Variants in ARNT2 observed in about 807,000 individuals in gnomAD.
The protein encoded by ARNT2 is ARNT protein 2.
ARNT2 carries 36 observed loss-of-function variants against 91.7 expected under a neutral mutation model. The ratio of observed to expected loss-of-function variants is 0.39; its 90% CI spans 0.30 to 0.52. ARNT2 has a LOEUF of 0.52. ARNT2 is among the 20% of genes least tolerant of loss of function. ARNT2 has a pLI of 0.72. For synonymous variants in ARNT2, 365 were observed against 347.1 expected (o/e 1.05, Z -0.57); for missense variants, 775 against 939.3 (o/e 0.83, Z 2.29).
intron 8 of ARNT2, among the ~76,000 whole-genome samples, chr15:80,516,807 C>G (rs2141430355): frequency 1.3e-5 from 1 of 79,758 alleles, no homozygotes; most frequent in East Asian, 3.7e-4. Context: ...CATACATTTA[C>G]AATTATTATA....
intron 8 of ARNT2, among the ~76,000 whole-genome samples, chr15:80,528,423 A>C (rs895202310): frequency 1.2e-4 from 18 of 151,000 alleles, no homozygotes; most frequent in Admixed American, 3.3e-4. Context: ...TTTATCATCT[A>C]TCTATCCATC....
chr15:80,484,397 G>C (rs1043583750), intron 5 of ARNT2, among the ~76,000 whole-genome samples: 2 of 152,208 alleles, frequency 1.3e-5, no homozygotes, highest in African/African-American at 4.8e-5. Context: ...ATGCACGTGA[G>C]AATGAAATCT....
chr15:80,540,323 G>A lies in ARNT2; in HGVS notation c.878-10876G>A, dbSNP rs8031754. 8.9e-3 allele frequency among the ~76,000 whole-genome samples: 1,361 copies of A among 152,122 alleles called. 18 individuals are homozygous for A. Among genetic ancestry groups the A allele is most frequent in the African/African-American group, 0.031 (1,276 of 41,486 alleles). On this transcript the variant is annotated intron_variant, in intron 8 of 18. Transcript: ENST00000303329. The stretch of plus-strand genomic sequence containing the variant: ...CGTATCTTCACTAACACATGATTGC[G>A]TTTTTTTGTAAATTATGATAGCCAT...
chr15:80,492,119 C>T (rs145529808), intron 5 of ARNT2, among the ~76,000 whole-genome samples: 9 of 152,212 alleles, frequency 5.9e-5, no homozygotes, highest in Non-Finnish European at 5.9e-5. Context: ...CAGCTCACAG[C>T]GGCCTTGCCC....
chr15:80,591,769 C>G lies in ARNT2; in HGVS notation c.2055+65C>G. 1 of 1,598,596 alleles carries G rather than the reference C, an allele frequency of 6.3e-7. No homozygotes were observed. The highest frequency in any genetic ancestry group is 1.7e-5 in the Admixed American group (1 of 59,402). Reference sequence around the variant, plus strand: ...CCTTCTCTCTGCTTCCTTTCCCCCTCGGTCTCTGCCGCACCACCGCCTGCC... The same window carrying G: ...CCTTCTCTCTGCTTCCTTTCCCCCTGGGTCTCTGCCGCACCACCGCCTGCC... On this transcript the variant is annotated intron_variant, in intron 18 of 18. Coordinates refer to ENST00000303329, the MANE Select transcript of ARNT2 (RefSeq NM_014862.4). The surrounding 1 kb of genome is among the most constrained non-coding windows in gnomAD (Gnocchi z 5.1).
intron 8 of ARNT2, among the ~76,000 whole-genome samples, chr15:80,541,981 G>T (rs1335100814): frequency 6.6e-6 from 1 of 152,188 alleles, no homozygotes; most frequent in Non-Finnish European, 1.5e-5. Flanking sequence ...CGTCAGTGTT[G>T]GTGTCAGGGC....
At chr15:80,571,147 C>T (rs963003894) in intron 12 of ARNT2, among the ~76,000 whole-genome samples, 1 of 152,184 alleles carries the variant, frequency 6.6e-6, no homozygotes, top group Non-Finnish European at 1.5e-5. Context: ...CATTTCAGCT[C>T]CTTAGGGGTC....
chr15:80,527,188 A>G (rs1002061395), intron 8 of ARNT2, among the ~76,000 whole-genome samples: 2 of 152,180 alleles, frequency 1.3e-5, no homozygotes, highest in African/African-American at 4.8e-5. Context: ...CAGGCCAGCC[A>G]CTTTGCTAGG....
At chr15:80,529,549 T>C (rs1361858445) in intron 8 of ARNT2, among the ~76,000 whole-genome samples, 1 of 152,118 alleles carries the variant, frequency 6.6e-6, no homozygotes, top group Non-Finnish European at 1.5e-5. Context: ...GGTTGTTTTT[T>C]CCTTTTCCTT....
intron 5 of ARNT2, among the ~76,000 whole-genome samples, chr15:80,503,867 C>T (rs1046841759): frequency 6.6e-6 from 1 of 152,200 alleles, no homozygotes; most frequent in Admixed American, 6.5e-5. Context: ...GTGGTGATTG[C>T]TGGGTCTTTG....
At chr15:80,496,829 A>G (rs745613329) in intron 5 of ARNT2, among the ~76,000 whole-genome samples, 1 of 152,224 alleles carries the variant, frequency 6.6e-6, no homozygotes, top group Non-Finnish European at 1.5e-5. Context: ...GGAAAACAGG[A>G]AAAGAGAGAT....
At position 80,451,000 on chromosome 15, in the gene ARNT2, C is replaced by T. The variant is rs746833703; in HGVS notation, c.146+6C>T. 4.8e-5 allele frequency: 78 copies of T among 1,611,008 alleles called. No homozygotes were observed. Among genetic ancestry groups the T allele is most frequent in the Non-Finnish European group, 6.0e-5 (71 of 1,178,222 alleles). ...GGAGGAAAGCGGCGTTCCGGGTAAG[C>T]GACCTCAGCGTTTCCAGGAATTGGC... On this transcript the variant is annotated splice_donor_region_variant and intron_variant, in intron 2 of 18. Coordinates refer to ENST00000303329, the MANE Select transcript of ARNT2 (RefSeq NM_014862.4).
chr15:80,510,952 G>C (rs777071334), intron 6 of ARNT2, among the ~76,000 whole-genome samples: 4 of 152,214 alleles, frequency 2.6e-5, no homozygotes, highest in Non-Finnish European at 4.4e-5. Context: ...TTCAGCCATT[G>C]TGGAAGACAG....
chr15:80,486,526 A>T (rs1472208292), intron 5 of ARNT2, among the ~76,000 whole-genome samples: 1 of 152,098 alleles, frequency 6.6e-6, no homozygotes, highest in East Asian at 1.9e-4. Flanking sequence ...TCATTGTCAG[A>T]TCTCTTCTAC....
At chr15:80,586,735 G>A (rs1267138816) in intron 17 of ARNT2, among the ~76,000 whole-genome samples, 1 of 151,914 alleles carries the variant, frequency 6.6e-6, no homozygotes, top group African/African-American at 2.4e-5. Flanking sequence ...GCATGGTGGT[G>A]CGCGCTGAGG....
At chr15:80,418,796 T>C (rs903440250) in intron 1 of ARNT2, among the ~76,000 whole-genome samples, 1 of 152,260 alleles carries the variant, frequency 6.6e-6, no homozygotes, top group African/African-American at 2.4e-5. Flanking sequence ...CCCAAGACAA[T>C]CAAGTTTTGT....
At chr15:80,478,590 G>C (rs1896841506) in intron 5 of ARNT2, among the ~76,000 whole-genome samples, 1 of 152,228 alleles carries the variant, frequency 6.6e-6, no homozygotes, top group African/African-American at 2.4e-5. Context: ...ACAAGATGAG[G>C]CTGGAGAAGT....
At chr15:80,440,066 A>G (rs73491046) in intron 1 of ARNT2, among the ~76,000 whole-genome samples, 2,482 of 152,256 alleles carry the variant, frequency 0.016, 85 homozygotes, top group African/African-American at 0.057. Context: ...GGTAGGCCAG[A>G]GTCTAGGTTT....
At chr15:80,413,326 A>G (rs145830734) in intron 1 of ARNT2, among the ~76,000 whole-genome samples, 69 of 152,132 alleles carry the variant, frequency 4.5e-4, no homozygotes, top group African/African-American at 1.5e-3. Flanking sequence ...TTACCCAGAA[A>G]CCTTTGCTCA....
Sources: gnomAD v4.1 joint callset for allele counts (sites outside exome capture counted in the v4.1 genomes callset) on GRCh38, gnomAD v4.1.1 for gene constraint, Gnocchi (gnomAD v3.1) non-coding constraint, MANE v1.5 for transcripts, NCBI Gene and HGNC (gene_info 2026-07-23, HGNC 2026-07-21) for gene names.